Variants in TRIP6 observed in about 807,000 individuals in gnomAD.
The protein encoded by TRIP6 is thyroid receptor-interacting protein 6.
A neutral mutation model predicts 51.9 loss-of-function variants in TRIP6; 33 were observed. The observed-to-expected ratio is 0.64, with a 90% CI of 0.48 to 0.85. The LOEUF is 0.85. Ranked by LOEUF, TRIP6 falls within the 40% of genes least tolerant of loss-of-function variation. The pLI is 0.00. For missense variants in TRIP6, 661 were observed against 652.1 expected, an observed-to-expected ratio of 1.01 and a Z score of -0.15; for synonymous variants, 255 against 275.8, an observed-to-expected ratio of 0.92 and a Z score of 0.75.
chr7:100,872,184 T>G (rs915875315), intron 7 of TRIP6, among the ~76,000 whole-genome samples: 1 of 141,858 alleles, frequency 7.0e-6, no homozygotes, highest in Non-Finnish European at 1.5e-5. Context: ...CTGGCTAGTT[T>G]TTTTTTTTTT....
intron 4 of TRIP6, among the ~76,000 whole-genome samples, 167 bp from the exon 5 acceptor site, chr7:100,870,203 T>C (rs1033518975): frequency 6.6e-6 from 1 of 152,212 alleles, no homozygotes; most frequent in Admixed American, 6.5e-5. Flanking sequence ...CAGGCGGTAA[T>C]GCAAGTGATG....
chr7:100,871,093 G>T, intron 6 of TRIP6: 1 of 508,888 alleles, frequency 2.0e-6, no homozygotes, highest in Non-Finnish European at 3.8e-6. Context: ...GAGTGCAGTG[G>T]GGTGATCTCT....
At chr7:100,868,324 ACC>A (rs1355773927) in intron 3 of TRIP6, 91 bp downstream of exon 3, 1 of 1,566,830 alleles carries the variant, frequency 6.4e-7, no homozygotes. Context: ...TGTAATGTGC[ACC>A]CCAGCATGGA....
Position 100,868,687 on chromosome 7 carries a change from C to G in TRIP6, c.556C>G (p.Arg186Gly). The G allele has an allele frequency of 6.2e-7, 1 of 1,600,796 alleles. No homozygotes were observed. The highest frequency in any genetic ancestry group is 8.5e-7 in the Non-Finnish European group (1 of 1,173,486). The change falls in exon 4 of 9, where the codon CGG becomes GGG. Residue 186 changes from arginine (R) to glycine (G), a missense_variant. Coordinates refer to ENST00000200457, the MANE Select transcript of TRIP6 (RefSeq NM_003302.3). ...AGTGAGGGGCTGCGGCCCACCCAGG[C>G]GGGGAGCCTCTCAGGCCTCTGGGCC... ...QPVRGCGPPR[R>G]GASQASGPLP...
Position 100,873,232 on chromosome 7 carries a change from C to T in TRIP6, c.1360C>T (p.His454Tyr). ...ECQGCYPLDG[H>Y]ILCKACSAWR... is the part of the protein sequence containing the mutation. The stretch of plus-strand genomic sequence containing the variant: ...TCAGGGCTGCTACCCGCTGGATGGG[C>T]ACATCTTGTGCAAGGCCTGCAGCGC... Residue 454 changes from histidine (H) to tyrosine (Y), a missense_variant, in exon 9 of 9, where the codon CAC (histidine) becomes TAC (tyrosine). Physicochemically the swap from His to Tyr is moderately conservative, Grantham distance 83. Transcript: ENST00000200457. The T allele has an allele frequency of 6.2e-7, 1 of 1,613,848 alleles. No individual in the cohort carries two copies. The highest frequency in any genetic ancestry group is 1.3e-5 in the African/African-American group (1 of 75,058).
In TRIP6 at chr7:100,867,733, C is replaced by T. The variant is rs12705089; in HGVS notation, c.109+127C>T. On this transcript the variant is annotated intron_variant, in intron 1 of 8. Transcript: ENST00000200457. This position sits in a 1 kb window ranked among gnomAD's most constrained non-coding sequence, Gnocchi z 5.4. Reference sequence around the variant, plus strand: ...CCCAAGCCGAGGCGGGGGGAACAGCCGCCTGCGCTCTCTTGGGACCCTAGA... The same window carrying T: ...CCCAAGCCGAGGCGGGGGGAACAGCTGCCTGCGCTCTCTTGGGACCCTAGA... The T allele has an allele frequency of 0.17, 262,254 of 1,518,904 alleles. 24,477 individuals carry two copies. The highest frequency in any genetic ancestry group is 0.2 in the Middle Eastern group (1,122 of 5,504). 94.1% of individuals were successfully genotyped at this position (1,518,904 alleles called of 1,614,324 possible).
At chr7:100,868,357 C>A in intron 3 of TRIP6, 124 bp downstream of exon 3, 1 of 1,568,188 alleles carries the variant, frequency 6.4e-7, no homozygotes, top group Non-Finnish European at 8.7e-7. Flanking sequence ...CTGCAAGTAC[C>A]AACATGTCAG....
At chr7:100,869,134 A>G (rs1815216096) in intron 4 of TRIP6, among the ~76,000 whole-genome samples, 1 of 151,568 alleles carries the variant, frequency 6.6e-6, no homozygotes, top group Non-Finnish European at 1.5e-5. Context: ...TTTAGTACAG[A>G]CGGGGTTTCA....
chr7:100,871,712 A>G lies in TRIP6; in HGVS notation c.1169A>G (p.Asp390Gly). 6.2e-7 allele frequency: 1 copy of G among 1,613,832 alleles called. No individual in the cohort carries two copies. The highest frequency in any genetic ancestry group is 8.5e-7 in the Non-Finnish European group (1 of 1,179,918). ...DATSQIHCIE[D>G]FHRKFAPRCS... ...ACGAGCCAGATCCACTGCATTGAGGACTTTCACAGGTCAGGCCTGGCCTCC... is the reference window on the plus strand; with the variant it reads ...ACGAGCCAGATCCACTGCATTGAGGGCTTTCACAGGTCAGGCCTGGCCTCC... The change falls in exon 7 of 9, where the codon GAC becomes GGC. Residue 390 changes from aspartate to glycine, a missense_variant. Transcript: ENST00000200457.
chr7:100,867,578 C>G lies in TRIP6; in HGVS notation c.81C>G (p.Thr27=), dbSNP rs1478173586. The G allele has an allele frequency of 6.5e-7, 1 of 1,539,514 alleles. No homozygotes were observed. Among genetic ancestry groups the G allele is most frequent in the Non-Finnish European group, 8.7e-7 (1 of 1,146,170 alleles). ...APQGRAIPRG[T]PGPPPAHGAA... ...AGGGGAGGGCGATCCCCCGCGGCAC[C>G]CCGGGGCCACCACCGGCCCACGGAG... is the stretch of plus-strand genomic sequence containing the variant. Residue 27 remains threonine, a synonymous_variant, in exon 1 of 9, where the codon ACC becomes ACG. Transcript: ENST00000200457. This position sits in a 1 kb window ranked among gnomAD's most constrained non-coding sequence, Gnocchi z 5.4.
At chr7:100,869,940 TG>T (rs1245111487) in intron 4 of TRIP6, among the ~76,000 whole-genome samples, 38 of 151,930 alleles carry the variant, frequency 2.5e-4, no homozygotes, top group Non-Finnish European at 5.0e-4. Flanking sequence ...TATATTACAA[TG>T]TATATTACAA....
intron 6 of TRIP6, chr7:100,871,180 G>A: frequency 4.4e-6 from 2 of 459,120 alleles, no homozygotes; most frequent in South Asian, 1.7e-5. Flanking sequence ...GATTACAGGT[G>A]CCCACCACCA....
chr7:100,872,516 A>C lies in TRIP6; in HGVS notation c.1179-108A>C, dbSNP rs950797360. On this transcript the variant is annotated intron_variant, in intron 7 of 8. Transcript: ENST00000200457. ...TCCCTTCCCCAAGACCTAAGGCCAT[A>C]CCTCTGGCCTCTCTGATTCCCTCCT... The C allele has an allele frequency of 1.2e-5, 18 of 1,513,532 alleles. No individual in the cohort carries two copies. In the East Asian group the frequency reaches 4.1e-4, roughly 35 times the overall value. The allele number at this position is 1,513,532 out of a possible 1,614,324, so 93.8% of individuals were successfully genotyped here. A position where few individuals can be genotyped will look rare whatever the true frequency, so the allele number is the denominator to read the frequency against.
At chr7:100,870,519 G>A in intron 5 of TRIP6, 55 bp from the exon 6 acceptor site, 2 of 1,606,546 alleles carry the variant, frequency 1.2e-6, no homozygotes, top group Non-Finnish European at 1.7e-6. Flanking sequence ...GGAGACAGAG[G>A]GGACAGTGGC....
At chr7:100,872,013 G>GTTTTTTT (rs71517130) in intron 7 of TRIP6, among the ~76,000 whole-genome samples, 1 of 115,242 alleles carries the variant, frequency 8.7e-6, no homozygotes, top group Non-Finnish European at 1.8e-5. Context: ...AGTTTTCTTC[G>GTTTTTTT]TTTTTTTTTT....
Position 100,873,401 on chromosome 7 carries a change from G to A in TRIP6, c.*98G>A. 2 of 1,467,176 alleles carry A rather than the reference G, an allele frequency of 1.4e-6. No individual in the cohort carries two copies. The highest frequency in any genetic ancestry group is 2.2e-5 in the Admixed American group (1 of 44,766). 90.9% of individuals were successfully genotyped at this position (1,467,176 alleles called of 1,614,324 possible). A position where few individuals can be genotyped will look rare whatever the true frequency, so the allele number is the denominator to read the frequency against. On this transcript the variant is annotated 3_prime_UTR_variant, in exon 9 of 9. Transcript: ENST00000200457. ...CACCTGTATGACTTTGTCACCAAAT[G>A]CTGTCTTCTCTTTCTCCAATCAAGA...
chr7:100,867,650 G>A lies in TRIP6; in HGVS notation c.109+44G>A, dbSNP rs1457436748. ...GACAGAAGAGCCACCCAGCTGTGGC[G>A]CTCACCTCTGTCCTACCGCTCCAGC... On this transcript the variant is annotated intron_variant, in intron 1 of 8. Transcript: ENST00000200457. This position sits in a 1 kb window ranked among gnomAD's most constrained non-coding sequence, Gnocchi z 5.4. 1.3e-6 allele frequency: 2 copies of A among 1,557,508 alleles called. No homozygotes were observed. The highest frequency in any genetic ancestry group is 1.1e-5 in the South Asian group (1 of 87,760).
In TRIP6 at chr7:100,873,285, C is replaced by G; in HGVS notation, c.1413C>G (p.Thr471=). 1 of 1,610,456 alleles carries G rather than the reference C, an allele frequency of 6.2e-7. No individual in the cohort carries two copies. Among genetic ancestry groups the G allele is most frequent in the Non-Finnish European group, 8.5e-7 (1 of 1,177,248 alleles). The change falls in exon 9 of 9, where the codon ACC becomes ACG. Residue 471 remains threonine (T), a synonymous_variant. Coordinates refer to ENST00000200457, the MANE Select transcript of TRIP6 (RefSeq NM_003302.3). ...SAWRIQELSA[T]VTTDC ...GGCGCATCCAGGAGCTCTCAGCCACCGTCACCACTGACTGCTGAGTCTTCC... is the reference window on the plus strand; with the variant it reads ...GGCGCATCCAGGAGCTCTCAGCCACGGTCACCACTGACTGCTGAGTCTTCC...
In TRIP6 at chr7:100,867,793, G is replaced by A. The variant is rs1815174641; in HGVS notation, c.110-68G>A. 8.2e-5 allele frequency: 124 copies of A among 1,518,120 alleles called. No homozygotes were observed. Among genetic ancestry groups the A allele is most frequent in the Non-Finnish European group, 1.0e-4 (114 of 1,138,410 alleles). 94.0% of individuals were successfully genotyped at this position (1,518,120 alleles called of 1,614,324 possible). A position where few individuals can be genotyped will look rare whatever the true frequency, so the allele number is the denominator to read the frequency against. ...GGAGGTAACGAGAGGCGGAGAGGGT[G>A]GCTCCTCAAATATACACCCCTCCTG... On this transcript the variant is annotated intron_variant, in intron 1 of 8. Transcript: ENST00000200457. This position sits in a 1 kb window ranked among gnomAD's most constrained non-coding sequence, Gnocchi z 5.4.
Sources: gnomAD v4.1 joint callset for allele counts (sites outside exome capture counted in the v4.1 genomes callset) on GRCh38, gnomAD v4.1.1 for gene constraint, Gnocchi (gnomAD v3.1) non-coding constraint, MANE v1.5 for transcripts, NCBI Gene and HGNC (gene_info 2026-07-23, HGNC 2026-07-21) for gene names.